PKP2: variants seen among roughly 807,000 people sequenced by gnomAD.
PKP2 encodes the protein plakophilin-2.
Under a neutral mutation model 83.4 loss-of-function variants are expected in PKP2, and 73 were observed. The ratio of observed to expected loss-of-function variants is 0.88; its 90% CI spans 0.72 to 1.06. PKP2 has a LOEUF of 1.06. Ranked by LOEUF, PKP2 falls within the 50% of genes least tolerant of loss-of-function variation. PKP2 has a pLI of 0.00. For missense variants in PKP2, 966 were observed against 1,065.4 expected (o/e 0.91, Z 1.30); for synonymous variants, 409 against 430.4 (o/e 0.95, Z 0.62).
At chr12:32,832,681 G>A (rs1956511384) in intron 6 of PKP2, among the ~76,000 whole-genome samples, 1 of 152,098 alleles carries the variant, frequency 6.6e-6, no homozygotes, top group South Asian at 2.1e-4. Context: ...TTTCCATTTT[G>A]TTTGCACTAT....
chr12:32,896,434 G>C lies in PKP2; in HGVS notation c.223+75C>G, dbSNP rs958238728. The stretch of plus-strand genomic sequence containing the variant: ...GGGGTCCCGCACTCCCAGCACGCGG[G>C]GTGAGGGCGGGATAGGAGGAGGTGA... On this transcript the variant is annotated intron_variant, in intron 1 of 12. Coordinates refer to ENST00000340811, the MANE Select transcript of PKP2 (RefSeq NM_001005242.3). The C allele has an allele frequency of 7.0e-6, 8 of 1,139,002 alleles. No individual in the cohort carries two copies. In the Admixed American group the frequency reaches 2.4e-4, roughly 34 times the overall value. The allele number at this position is 1,139,002 out of a possible 1,614,324, so 70.6% of individuals were successfully genotyped here.
intron 6 of PKP2, among the ~76,000 whole-genome samples, chr12:32,832,241 G>A (rs1302269994): frequency 6.6e-6 from 1 of 152,048 alleles, no homozygotes; most frequent in Non-Finnish European, 1.5e-5. Context: ...AGCTGGGCGT[G>A]GTGGTGCGCA....
intron 6 of PKP2, among the ~76,000 whole-genome samples, chr12:32,835,197 G>A (rs1956534335): frequency 1.3e-5 from 2 of 151,536 alleles, no homozygotes; most frequent in Non-Finnish European, 2.9e-5. Context: ...GGGATTACAG[G>A]TGCCCGCCAC....
intron 1 of PKP2, among the ~76,000 whole-genome samples, chr12:32,889,776 T>C (rs1957061363): frequency 6.6e-6 from 1 of 152,154 alleles, no homozygotes; most frequent in Admixed American, 6.6e-5. Context: ...GTAGGCAGAC[T>C]TTTATTAGAA....
Position 32,796,189 on chromosome 12 carries a change from G to C in PKP2, c.2277C>G (p.Ile759Met), listed in dbSNP as rs1956120923. The C allele has an allele frequency of 1.2e-6, 2 of 1,613,990 alleles. No homozygotes were observed. The highest frequency in any genetic ancestry group is 1.7e-6 in the Non-Finnish European group (2 of 1,179,960). ...CGCGTGCATTCTGGTAACTGTTTTG[G>C]ATTATGTTGTTCAATGTGTAACAGG... ...ASACYTLNNI[I>M]QNSYQNARDL... Residue 759 changes from isoleucine (I) to methionine (M), a missense_variant, in exon 11 of 13, where the codon ATC becomes ATG. By Grantham distance (10) the Ile-to-Met change is conservative (BLOSUM62 1). Transcript: ENST00000340811.
In PKP2 at chr12:32,887,027, TA is replaced by T. The variant is rs1565602231; in HGVS notation, c.224-7996del. Among the ~76,000 whole-genome samples the T allele has an allele frequency of 5.1e-3, 765 of 151,380 alleles. 8 individuals are homozygous for T. The highest frequency in any genetic ancestry group is 0.018 in the African/African-American group (735 of 41,288). ...AAAAGGAAAAAAAAAAAGGGAACAC[TA>T]TGGTGAAAAATTGTTTCAAAGCAGA... On this transcript the variant is annotated intron_variant, in intron 1 of 12. Transcript: ENST00000340811.
Position 32,885,257 on chromosome 12 carries a change from T to C in PKP2, c.224-6225A>G, listed in dbSNP as rs187593863. Among the ~76,000 whole-genome samples the C allele has an allele frequency of 3.3e-5, 5 of 152,330 alleles. No homozygotes were observed. In the East Asian group the frequency reaches 9.6e-4, roughly 29 times the overall value. On this transcript the variant is annotated intron_variant, in intron 1 of 12. Transcript: ENST00000340811. ...CTCCCTTTCCCAATCTGAGTGTTCATTGGAATGATATGATTCCTAAGCAGC... is the reference window on the plus strand; with the variant it reads ...CTCCCTTTCCCAATCTGAGTGTTCACTGGAATGATATGATTCCTAAGCAGC...
At chr12:32,873,796 C>T (rs1296988307) in intron 3 of PKP2, among the ~76,000 whole-genome samples, 4 of 152,202 alleles carry the variant, frequency 2.6e-5, no homozygotes, top group African/African-American at 9.7e-5. Flanking sequence ...TCGTAAAGTG[C>T]TGGGATTACA....
intron 5 of PKP2, among the ~76,000 whole-genome samples, chr12:32,846,745 CAA>C (rs574053559): frequency 1.0e-3 from 76 of 74,874 alleles, no homozygotes; most frequent in African/African-American, 3.6e-3. Context: ...AACTTCTTCT[CAA>C]AAAAAAAAAA....
At chr12:32,868,806 A>C (rs1956871528) in intron 4 of PKP2, 121 bp downstream of exon 4, 1 of 1,108,236 alleles carries the variant, frequency 9.0e-7, no homozygotes, top group Non-Finnish European at 1.4e-6. Flanking sequence ...ATAGGCGTGA[A>C]CCACCACGCA....
At chr12:32,823,852 C>T (rs570106524) in intron 7 of PKP2, among the ~76,000 whole-genome samples, 193 bp downstream of exon 7, 1 of 152,254 alleles carries the variant, frequency 6.6e-6, no homozygotes, top group South Asian at 2.1e-4. Context: ...CTGCCTGCCT[C>T]AGCCTCCCAA....
chr12:32,793,011 G>A (rs12813036), intron 11 of PKP2: 1 of 409,416 alleles, frequency 2.4e-6, no homozygotes, highest in Non-Finnish European at 4.6e-6. Flanking sequence ...AGCACTTTTG[G>A]GAGGCTGAGG....
chr12:32,878,986 T>G lies in PKP2; in HGVS notation c.270A>C (p.Leu90=). 1 of 1,608,538 alleles carries G rather than the reference T, an allele frequency of 6.2e-7. No individual in the cohort carries two copies. Among genetic ancestry groups the G allele is most frequent in the South Asian group, 1.1e-5 (1 of 90,928 alleles). ...TSSVPEYVYN[L]HLVENDFVGG... Reference sequence around the variant, plus strand: ...CAACAAAATCATTTTCAACCAAGTGTAGGTTGTAGACATACTCAGGAACAC... The same window carrying G: ...CAACAAAATCATTTTCAACCAAGTGGAGGTTGTAGACATACTCAGGAACAC... Residue 90 remains leucine (L), a synonymous_variant, in exon 2 of 13, where the codon CTA becomes CTC. Transcript: ENST00000340811.
chr12:32,814,375 T>C (rs1191580693), intron 9 of PKP2, among the ~76,000 whole-genome samples: 1 of 152,008 alleles, frequency 6.6e-6, no homozygotes, highest in African/African-American at 2.4e-5. Context: ...GCCACTCACT[T>C]CCATGGTCAC....
At chr12:32,864,757 T>C (rs931177331) in intron 4 of PKP2, among the ~76,000 whole-genome samples, 2 of 152,214 alleles carry the variant, frequency 1.3e-5, no homozygotes, top group African/African-American at 4.8e-5. Context: ...GGACTAACAT[T>C]ACCTACTTTT....
intron 11 of PKP2, among the ~76,000 whole-genome samples, chr12:32,794,361 T>C (rs1257657391): frequency 6.6e-6 from 1 of 152,240 alleles, no homozygotes; most frequent in African/African-American, 2.4e-5. Flanking sequence ...AGATGTAATG[T>C]TATAAATGAT....
At chr12:32,839,476 T>C (rs1429643277) in intron 6 of PKP2, among the ~76,000 whole-genome samples, 9 of 149,440 alleles carry the variant, frequency 6.0e-5, no homozygotes, top group African/African-American at 2.2e-4. Flanking sequence ...GAGCCCACTA[T>C]GAAAAAAGAA....
intron 9 of PKP2, among the ~76,000 whole-genome samples, chr12:32,810,585 T>C (rs1047717205): frequency 1.1e-4 from 17 of 152,254 alleles, no homozygotes; most frequent in Admixed American, 1.0e-3. Flanking sequence ...AAAAGTGTTT[T>C]TTTAATCTAC....
intron 9 of PKP2, among the ~76,000 whole-genome samples, chr12:32,816,288 A>G (rs1420412532): frequency 6.6e-6 from 1 of 152,056 alleles, no homozygotes; most frequent in Non-Finnish European, 1.5e-5. Context: ...CTGTATGTCC[A>G]TGAGTAACCA....
Sources: allele counts gnomAD v4.1 joint callset (sites outside exome capture counted in the v4.1 genomes callset), GRCh38; gene constraint gnomAD v4.1.1; transcripts MANE v1.5; gene names NCBI Gene and HGNC (gene_info 2026-07-23, HGNC 2026-07-21).